EFCAB8: variants seen among roughly 807,000 people sequenced by gnomAD.
The protein encoded by EFCAB8 is EF-hand calcium binding domain 8.
A neutral mutation model predicts 116.3 loss-of-function variants in EFCAB8; 100 were observed. The observed-to-expected ratio is 0.86, with a 90% CI of 0.73 to 1.02. The LOEUF (loss-of-function observed/expected upper bound fraction) is 1.02. Ranked by LOEUF, EFCAB8 falls within the 50% of genes least tolerant of loss-of-function variation. The pLI is 0.00. For synonymous variants in EFCAB8, 558 were observed against 567.9 expected, an observed-to-expected ratio of 0.98 and a Z score of 0.25; for missense variants, 1,320 against 1,416.9, an observed-to-expected ratio of 0.93 and a Z score of 1.10.
chr20:32,927,320 A>G (rs1987710748), intron 20 of EFCAB8, among the ~76,000 whole-genome samples: 1 of 152,066 alleles, frequency 6.6e-6, no homozygotes, highest in African/African-American at 2.4e-5. Flanking sequence ...TGGATTCACC[A>G]TGATTTGTTT....
chr20:32,936,352 C>G (rs901169091), intron 22 of EFCAB8, among the ~76,000 whole-genome samples: 2 of 152,106 alleles, frequency 1.3e-5, no homozygotes, highest in African/African-American at 4.8e-5. Flanking sequence ...CTTTTATTAC[C>G]TGTGCTTTTG....
chr20:32,878,929 C>T, intron 5 of EFCAB8, 122 bp downstream of exon 5: 1 of 771,302 alleles, frequency 1.3e-6, no homozygotes, highest in Non-Finnish European at 2.2e-6. Context: ...CTGGCATCAG[C>T]CTGCTGCCTG....
chr20:32,919,991 T>G, intron 19 of EFCAB8, 87 bp from the exon 20 acceptor site: 1 of 1,527,908 alleles, frequency 6.5e-7, no homozygotes, highest in Admixed American at 2.0e-5. Context: ...GGAGTGCCGC[T>G]CTTTTATCAT....
chr20:32,930,547 C>T lies in EFCAB8; in HGVS notation c.2562C>T (p.Val854=), dbSNP rs1398079551. ...TGGACCTAGACAATGGGGATGTTGTCGTGGGTGCCATGGCCACTGATAAAA... is the reference window on the plus strand; with the variant it reads ...TGGACCTAGACAATGGGGATGTTGTTGTGGGTGCCATGGCCACTGATAAAA... ...FPVDLDNGDV[V]VGAMATDKND... is the part of the protein sequence containing the mutation. The change falls in exon 21 of 27, where the codon GTC becomes GTT. Residue 854 remains valine, a synonymous_variant. Coordinates refer to ENST00000400522, the MANE Select transcript of EFCAB8 (RefSeq NM_001143967.2). The T allele has an allele frequency of 3.9e-6, 6 of 1,552,262 alleles. No individual in the cohort carries two copies. Among genetic ancestry groups the T allele is most frequent in the East Asian group, 2.4e-5 (1 of 40,922 alleles).
Position 32,935,188 on chromosome 20 carries a change from C to CTTTTTTTTTTTTTTTTTTT in EFCAB8, c.2790+3855_2790+3856insTTTTTTTTTTTTTTTTTTT, listed in dbSNP as rs754022404. On this transcript the variant is annotated intron_variant, in intron 22 of 26. Coordinates refer to ENST00000400522, the MANE Select transcript of EFCAB8 (RefSeq NM_001143967.2). ...TCTCTTCTCTTTTCTTTCTTTCTTT[C>CTTTTTTTTTTTTTTTTTTT]TTTCTTTTTTTTTTTTTTTTTTTTT... Among the ~76,000 whole-genome samples, 39 of 66,900 alleles carry CTTTTTTTTTTTTTTTTTTT rather than the reference C, an allele frequency of 5.8e-4. 1 individual carries two copies. Among genetic ancestry groups the CTTTTTTTTTTTTTTTTTTT allele is most frequent in the African/African-American group, 1.1e-3 (14 of 12,966 alleles). 43.9% of individuals were successfully genotyped at this position (66,900 alleles called of 152,430 possible).
chr20:32,920,187 T>G lies in EFCAB8; in HGVS notation c.2384T>G (p.Leu795Trp). The change falls in exon 20 of 27, where the codon TTG (leucine) becomes TGG (tryptophan). Residue 795 changes from leucine to tryptophan, a missense_variant. By Grantham distance (61) the Leu-to-Trp change is moderately conservative. Transcript: ENST00000400522. ...TRKGEWQKNM[L>W]VQSSASVEKI... ...AAAGGAGAATGGCAGAAGAATATGT[T>G]GGTTCAATCCAGTGCCTCGGTGGAG... is the stretch of plus-strand genomic sequence containing the variant. 1 of 1,551,564 alleles carries G rather than the reference T, an allele frequency of 6.4e-7. No homozygotes were observed. Among genetic ancestry groups the G allele is most frequent in the Non-Finnish European group, 8.7e-7 (1 of 1,146,952 alleles).
intron 3 of EFCAB8, among the ~76,000 whole-genome samples, chr20:32,871,300 G>A (rs1385612332): frequency 6.6e-6 from 1 of 151,328 alleles, no homozygotes; most frequent in Non-Finnish European, 1.5e-5. Context: ...TAGAGATAGG[G>A]TTTTCCTGTG....
chr20:32,960,794 G>A (rs1989124663), intron 26 of EFCAB8, among the ~76,000 whole-genome samples: 1 of 152,246 alleles, frequency 6.6e-6, no homozygotes, highest in South Asian at 2.1e-4. Flanking sequence ...GGAGAGGCTG[G>A]TGTGAGATGG....
At chr20:32,951,018 A>G (rs1988782034) in intron 23 of EFCAB8, among the ~76,000 whole-genome samples, 1 of 152,210 alleles carries the variant, frequency 6.6e-6, no homozygotes, top group African/African-American at 2.4e-5. Flanking sequence ...TAGAAGAGAA[A>G]TACTAATTAA....
intron 23 of EFCAB8, among the ~76,000 whole-genome samples, chr20:32,947,003 G>T (rs1988614604): frequency 6.6e-6 from 1 of 152,144 alleles, no homozygotes; most frequent in Non-Finnish European, 1.5e-5. Flanking sequence ...CCACTGTATG[G>T]CTCTGTCATA....
chr20:32,939,207 T>TTTC (rs1568941916), intron 22 of EFCAB8, among the ~76,000 whole-genome samples: 88 of 84,478 alleles, frequency 1.0e-3, no homozygotes, highest in East Asian at 2.0e-3. Context: ...TTCTTTCCTC[T>TTTC]CTCTCTCTCT....
chr20:32,908,331 GT>G lies in EFCAB8; in HGVS notation c.1371del (p.Phe457LeufsTer30). 8.0e-7 allele frequency: 1 copy of G among 1,249,946 alleles called. No individual in the cohort carries two copies. 77.4% of individuals were successfully genotyped at this position (1,249,946 alleles called of 1,614,324 possible). On this transcript the variant is annotated frameshift_variant, in exon 14 of 27. Transcript: ENST00000400522. LOFTEE classifies it high-confidence loss of function. ...TATGCCTCCAGTCCTTCTGTGGGAAGTTTTTTGCTCTGGGAAACTGCCCCAT... is the reference window on the plus strand; with the variant it reads ...TATGCCTCCAGTCCTTCTGTGGGAAGTTTTTGCTCTGGGAAACTGCCCCAT... ...YICLQSFCGK[F>X]FALGNCPITS... is the part of the protein sequence containing the mutation.
At chr20:32,906,453 C>A in intron 11 of EFCAB8, 109 bp from the exon 12 acceptor site, 1 of 687,210 alleles carries the variant, frequency 1.5e-6, no homozygotes. Context: ...CCTCCCTAGG[C>A]CTCCTGGGAG....
chr20:32,932,421 T>C (rs1244518697), intron 22 of EFCAB8, among the ~76,000 whole-genome samples: 4 of 152,140 alleles, frequency 2.6e-5, no homozygotes, highest in Non-Finnish European at 2.9e-5. Context: ...CGATTTTCTA[T>C]GTGTATATCA....
intron 22 of EFCAB8, among the ~76,000 whole-genome samples, chr20:32,939,648 C>G (rs1988323941): frequency 7.0e-6 from 1 of 142,788 alleles, no homozygotes; most frequent in Admixed American, 6.9e-5. Context: ...CTTTCTCTCT[C>G]TGTCTCTCTT....
chr20:32,905,406 T>C (rs1986627467), intron 11 of EFCAB8, among the ~76,000 whole-genome samples: 1 of 152,138 alleles, frequency 6.6e-6, no homozygotes, highest in Admixed American at 6.5e-5. Context: ...ACTGGACTAG[T>C]ACCATCTGAT....
chr20:32,923,896 A>G (rs11697967), intron 20 of EFCAB8, among the ~76,000 whole-genome samples: 4 of 151,982 alleles, frequency 2.6e-5, no homozygotes, highest in African/African-American at 9.7e-5. Flanking sequence ...ACCCTTGTAC[A>G]TAAATTTTGG....
chr20:32,924,571 C>T (rs112138965), intron 20 of EFCAB8, among the ~76,000 whole-genome samples: 23 of 152,258 alleles, frequency 1.5e-4, no homozygotes, highest in Middle Eastern at 3.4e-3. Flanking sequence ...GTGACTTGCC[C>T]AAGATTCTTA....
At chr20:32,911,768 T>C in intron 16 of EFCAB8, 61 bp downstream of exon 16, 3 of 1,491,856 alleles carry the variant, frequency 2.0e-6, no homozygotes. Flanking sequence ...GCACAGCTCC[T>C]TTGACCCTGG....
Sources: allele counts gnomAD v4.1 joint callset (sites outside exome capture counted in the v4.1 genomes callset), GRCh38; gene constraint gnomAD v4.1.1; transcripts MANE v1.5; gene names NCBI Gene and HGNC (gene_info 2026-07-23, HGNC 2026-07-21).